Variants in NHSL2 observed in about 807,000 individuals in gnomAD.
NHSL2 encodes NHS like 2.
Under a neutral mutation model 53.4 loss-of-function variants are expected in NHSL2, and 27 were observed. That is an observed-to-expected ratio of 0.51 (90% CI 0.37 to 0.70). The LOEUF is 0.70. Among genes scored for constraint, NHSL2 ranks in the 30% least tolerant of loss-of-function variants. The pLI is 0.00. For synonymous variants in NHSL2, 408 were observed against 404.1 expected, an observed-to-expected ratio of 1.01 and a Z score of -0.12; for missense variants, 892 against 980.1, an observed-to-expected ratio of 0.91 and a Z score of 1.20.
chrX:72,106,738 A>C (rs1391393168), intron 1 of NHSL2, among the ~76,000 whole-genome samples: 4 of 112,136 alleles, frequency 3.6e-5, no homozygotes, highest in African/African-American at 1.3e-4. Context: ...GATAGACTGG[A>C]TTAAGAAAAT....
At chrX:72,126,274 A>G (rs1198524429) in intron 1 of NHSL2, among the ~76,000 whole-genome samples, 1 of 111,409 alleles carries the variant, frequency 9.0e-6, no homozygotes, top group Non-Finnish European at 1.9e-5. Context: ...GAACTAGGAG[A>G]CCAGCCTGGC....
intron 1 of NHSL2, among the ~76,000 whole-genome samples, chrX:71,941,860 C>T (rs1394562316): frequency 2.7e-5 from 3 of 111,646 alleles, no homozygotes; most frequent in African/African-American, 9.8e-5. Flanking sequence ...GAATGTTTGT[C>T]ACCTTGTGGG....
At chrX:71,991,185 G>T (rs183566435) in intron 1 of NHSL2, among the ~76,000 whole-genome samples, 1 of 112,785 alleles carries the variant, frequency 8.9e-6, no homozygotes, top group East Asian at 2.8e-4. Flanking sequence ...ATGTTTTGTT[G>T]GTTGGCACAT....
Position 72,143,618 on chromosome X carries a change from G to A in NHSL2, c.*44G>A, listed in dbSNP as rs1400657840. The A allele has an allele frequency of 1.3e-5, 11 of 879,755 alleles. No individual in the cohort carries two copies. The Admixed American group carries it at 3.9e-4, about 31-fold the overall frequency. 72.5% of individuals were successfully genotyped at this position (879,755 alleles called of 1,213,427 possible). A position where few individuals can be genotyped will look rare whatever the true frequency, so the allele number is the denominator to read the frequency against. On this transcript the variant is annotated 3_prime_UTR_variant, in exon 8 of 8. Transcript: ENST00000633930. ...AGGGTTTACTTACTAAACTTGAGTAGAGAAGGGGGAAGAGAAAGGGTCTTT... is the reference window on the plus strand; with the variant it reads ...AGGGTTTACTTACTAAACTTGAGTAAAGAAGGGGGAAGAGAAAGGGTCTTT...
Position 72,139,012 on chromosome X carries a change from C to T in NHSL2, c.1464C>T (p.Pro488=), listed in dbSNP as rs1176862811. The change falls in exon 6 of 8, where the codon CCC becomes CCT. Residue 488 remains proline, a synonymous_variant. Transcript: ENST00000633930. ...GGACCTCGAGGCTGGAGACAGGCCCCGGTGGGGCCAGCAGATTCCGGGAGC... is the reference window on the plus strand; with the variant it reads ...GGACCTCGAGGCTGGAGACAGGCCCTGGTGGGGCCAGCAGATTCCGGGAGC... ...TSGTSRLETG[P]GGASRFRERS... The T allele has an allele frequency of 1.9e-5, 22 of 1,178,242 alleles. No homozygotes were observed. Among genetic ancestry groups the T allele is most frequent in the Middle Eastern group, 2.5e-4 (1 of 3,981 alleles).
At chrX:71,965,693 T>C (rs2041897953) in intron 1 of NHSL2, among the ~76,000 whole-genome samples, 2 of 112,238 alleles carry the variant, frequency 1.8e-5, no homozygotes, top group Non-Finnish European at 3.8e-5. Flanking sequence ...ATAGATCAAG[T>C]TGGGAAGAAC....
At chrX:72,104,936 T>C (rs1027611221) in intron 1 of NHSL2, among the ~76,000 whole-genome samples, 1 of 111,875 alleles carries the variant, frequency 8.9e-6, no homozygotes, top group Non-Finnish European at 1.9e-5. Flanking sequence ...TTTGGAGATA[T>C]TGATTTGCCT....
intron 1 of NHSL2, among the ~76,000 whole-genome samples, chrX:71,998,694 C>T (rs2042060133): frequency 9.0e-6 from 1 of 111,664 alleles, no homozygotes; most frequent in Non-Finnish European, 1.9e-5. Context: ...AAACGATGGT[C>T]AGTGGCCTTT....
At chrX:72,080,346 C>T (rs1197420990) in intron 1 of NHSL2, 1 of 111,698 alleles carries the variant, frequency 9.0e-6, no homozygotes, top group Non-Finnish European at 1.9e-5. Context: ...GGAGGAGGAG[C>T]TTTCTGCACT....
intron 1 of NHSL2, chrX:72,129,390 G>C (rs1288520074): frequency 1.6e-5 from 2 of 126,773 alleles, no homozygotes; most frequent in African/African-American, 6.4e-5. Context: ...CTGTCCTCTT[G>C]CTCATTGGGG....
chrX:72,058,883 T>A (rs1255094210), intron 1 of NHSL2, among the ~76,000 whole-genome samples: 1 of 112,185 alleles, frequency 8.9e-6, no homozygotes, highest in African/African-American at 3.2e-5. Context: ...ACAGGAAGGC[T>A]GCCATTGCAG....
At chrX:72,012,585 A>G (rs1324930691) in intron 1 of NHSL2, among the ~76,000 whole-genome samples, 3 of 112,648 alleles carry the variant, frequency 2.7e-5, no homozygotes, top group African/African-American at 9.7e-5. Flanking sequence ...GATACGTGTC[A>G]TTAGATTTAG....
intron 1 of NHSL2, chrX:72,069,804 C>T: frequency 1.4e-6 from 1 of 693,136 alleles, no homozygotes; most frequent in Non-Finnish European, 1.9e-6. Flanking sequence ...CCAGGGCCTC[C>T]CAGCTGCTGC....
At chrX:72,022,513 C>T (rs1180596105) in intron 1 of NHSL2, among the ~76,000 whole-genome samples, 1 of 110,952 alleles carries the variant, frequency 9.0e-6, no homozygotes, top group African/African-American at 3.3e-5. Context: ...AGATGGCCCC[C>T]TTCTCCTTGT....
intron 1 of NHSL2, among the ~76,000 whole-genome samples, chrX:71,969,592 C>T (rs1441108275): frequency 8.9e-6 from 1 of 112,201 alleles, no homozygotes; most frequent in African/African-American, 3.2e-5. Flanking sequence ...GGATTACAGG[C>T]GTGAGCCATC....
In NHSL2 at chrX:72,142,260, A is replaced by G; in HGVS notation, c.3252A>G (p.Glu1084=). The G allele has an allele frequency of 8.6e-7, 1 of 1,163,035 alleles. No individual in the cohort carries two copies. Among genetic ancestry groups the G allele is most frequent in the Non-Finnish European group, 1.2e-6 (1 of 869,410 alleles). The part of the protein sequence containing the change: ...LGSSVEPGTE[E]KSLISDKTAE... ...GTTCTGTGGAACCAGGCACCGAAGA[A>G]AAAAGTTTAATCAGTGATAAAACAG... is the stretch of plus-strand genomic sequence containing the variant. Residue 1084 remains glutamate (E), a synonymous_variant, in exon 7 of 8, where the codon GAA becomes GAG. Transcript: ENST00000633930.
At chrX:72,041,437 T>C (rs1227254048) in intron 1 of NHSL2, among the ~76,000 whole-genome samples, 2 of 112,429 alleles carry the variant, frequency 1.8e-5, no homozygotes, top group African/African-American at 6.5e-5. Flanking sequence ...TGTTGCTACA[T>C]TTTCCAGTTT....
chrX:72,003,366 C>T (rs1266193987), intron 1 of NHSL2, among the ~76,000 whole-genome samples: 1 of 111,732 alleles, frequency 8.9e-6, no homozygotes, highest in African/African-American at 3.3e-5. Flanking sequence ...CCAGTTCAAG[C>T]CATGGCTAGG....
In NHSL2 at chrX:71,964,045, A is replaced by G. The variant is rs867350688; in HGVS notation, c.280+52678A>G. On this transcript the variant is annotated intron_variant, in intron 1 of 7. Transcript: ENST00000633930. ...TATATGTGTATATATATATATATGT[A>G]TATATATATATGTGTATATATATAT... is the stretch of plus-strand genomic sequence containing the variant. Among the ~76,000 whole-genome samples the G allele has an allele frequency of 8.6e-3, 623 of 72,721 alleles. 59 individuals are homozygous for G. Among genetic ancestry groups the G allele is most frequent in the African/African-American group, 0.04 (586 of 14,629 alleles). The allele number at this position is 72,721 out of a possible 115,157, so 63.1% of individuals were successfully genotyped here. A position where few individuals can be genotyped will look rare whatever the true frequency, so the allele number is the denominator to read the frequency against.
Sources: gnomAD v4.1 joint callset for allele counts (sites outside exome capture counted in the v4.1 genomes callset) on GRCh38, gnomAD v4.1.1 for gene constraint, MANE v1.5 for transcripts, NCBI Gene and HGNC (gene_info 2026-07-23, HGNC 2026-07-21) for gene names.